The following NRG3 variants were observed in gnomAD, a reference collection of about 807,000 sequenced individuals.
NRG3 encodes pro-neuregulin-3, membrane-bound isoform.
A neutral mutation model predicts 66.9 loss-of-function variants in NRG3; 31 were observed. The observed-to-expected ratio is 0.46, with a 90% CI of 0.35 to 0.63. The LOEUF (loss-of-function observed/expected upper bound fraction) is 0.63. NRG3 is among the 20% of genes least tolerant of loss of function. NRG3 has a pLI of 0.00. For synonymous variants in NRG3, 393 were observed against 359.4 expected, an observed-to-expected ratio of 1.09 and a Z score of -1.06; for missense variants, 910 against 878.9, an observed-to-expected ratio of 1.04 and a Z score of -0.45.
chr10:82,841,981 A>C (rs530278411), intron 3 of NRG3, among the ~76,000 whole-genome samples: 3 of 152,294 alleles, frequency 2.0e-5, no homozygotes, highest in African/African-American at 7.2e-5. Context: ...GAAATACAGA[A>C]CCCATCTCGC....
intron 2 of NRG3, among the ~76,000 whole-genome samples, chr10:82,452,094 T>A (rs1322250811): frequency 6.6e-6 from 1 of 152,200 alleles, no homozygotes; most frequent in East Asian, 1.9e-4. Flanking sequence ...TTGCAAAAGC[T>A]GAGTTGTTAT....
chr10:82,870,857 T>C (rs1841278483), intron 4 of NRG3, among the ~76,000 whole-genome samples: 1 of 152,218 alleles, frequency 6.6e-6, no homozygotes, highest in Admixed American at 6.5e-5. Flanking sequence ...ATATTTTCTG[T>C]CATTCTGCGG....
chr10:82,177,101 G>C (rs1057358809), intron 1 of NRG3, among the ~76,000 whole-genome samples: 1 of 151,914 alleles, frequency 6.6e-6, no homozygotes, highest in Non-Finnish European at 1.5e-5. Context: ...GATTAAATAA[G>C]ATACCTTAGT....
intron 1 of NRG3, among the ~76,000 whole-genome samples, chr10:82,121,099 CTCTGGTGCTCGATGCCT>C: frequency 6.6e-6 from 1 of 152,242 alleles, no homozygotes; most frequent in East Asian, 1.9e-4. Context: ...CTGGTAAATT[CTCTGGTGCTCGATGCCT>C]CAGTGAAACT....
intron 2 of NRG3, among the ~76,000 whole-genome samples, chr10:82,432,801 C>A (rs1280453820): frequency 6.6e-6 from 1 of 152,050 alleles, no homozygotes; most frequent in Non-Finnish European, 1.5e-5. Flanking sequence ...AATCTCATTC[C>A]TTTTTATGGC....
At chr10:82,722,815 A>G (rs943919876) in intron 2 of NRG3, among the ~76,000 whole-genome samples, 1 of 152,218 alleles carries the variant, frequency 6.6e-6, no homozygotes, top group African/African-American at 2.4e-5. Flanking sequence ...CCCTGACTTT[A>G]TCATTATTCT....
At chr10:82,062,470 G>A (rs1168457599) in intron 1 of NRG3, among the ~76,000 whole-genome samples, 6 of 152,036 alleles carry the variant, frequency 3.9e-5, no homozygotes, top group African/African-American at 1.2e-4. Context: ...GCTGTGCATG[G>A]TGGTGTGCGC....
At chr10:82,445,398 T>C (rs577195309) in intron 2 of NRG3, among the ~76,000 whole-genome samples, 1 of 152,300 alleles carries the variant, frequency 6.6e-6, no homozygotes, top group East Asian at 1.9e-4. Context: ...GCTGGACAAA[T>C]AGGACATAGC....
chr10:82,783,949 T>C (rs1432199329), intron 3 of NRG3, among the ~76,000 whole-genome samples: 1 of 151,890 alleles, frequency 6.6e-6, no homozygotes, highest in Non-Finnish European at 1.5e-5. Context: ...GCTACCTGAC[T>C]TCAAACTATA....
chr10:82,922,549 CT>C (rs1346543284), intron 4 of NRG3, among the ~76,000 whole-genome samples: 1 of 152,144 alleles, frequency 6.6e-6, no homozygotes. Flanking sequence ...CCACCCTCAT[CT>C]TGATAAACAG....
At chr10:82,142,149 A>G (rs1245868835) in intron 1 of NRG3, among the ~76,000 whole-genome samples, 2 of 152,216 alleles carry the variant, frequency 1.3e-5, no homozygotes, top group Non-Finnish European at 2.9e-5. Context: ...GTTGAGGAAT[A>G]CACAAAAGAT....
chr10:82,024,279 C>T (rs1307663584), intron 1 of NRG3, among the ~76,000 whole-genome samples: 1 of 151,764 alleles, frequency 6.6e-6, no homozygotes, highest in Non-Finnish European at 1.5e-5. Flanking sequence ...TTTTGTTCAT[C>T]TTTGCAAAAT....
At chr10:81,949,677 G>A (rs1245945194) in intron 1 of NRG3, among the ~76,000 whole-genome samples, 2 of 152,134 alleles carry the variant, frequency 1.3e-5, no homozygotes, top group South Asian at 4.1e-4. Context: ...AACACGTTAT[G>A]AGAATGTTTC....
chr10:82,383,895 T>C (rs1226685372), intron 2 of NRG3, among the ~76,000 whole-genome samples: 1 of 151,940 alleles, frequency 6.6e-6, no homozygotes, highest in Non-Finnish European at 1.5e-5. Flanking sequence ...ATTATCCTGG[T>C]TAAATATGTT....
chr10:81,921,805 T>C (rs1171858047), intron 1 of NRG3, among the ~76,000 whole-genome samples: 3 of 152,106 alleles, frequency 2.0e-5, no homozygotes, highest in Admixed American at 6.6e-5. Flanking sequence ...TTTAGACTTA[T>C]TTGTTGGAAC....
At chr10:82,927,712 A>T (rs879371617) in intron 4 of NRG3, among the ~76,000 whole-genome samples, 5 of 152,164 alleles carry the variant, frequency 3.3e-5, no homozygotes, top group African/African-American at 9.7e-5. Flanking sequence ...CACAGTGTAT[A>T]TGTGCCACAT....
intron 2 of NRG3, among the ~76,000 whole-genome samples, chr10:82,493,244 G>A (rs1843313760): frequency 6.6e-6 from 1 of 151,988 alleles, no homozygotes; most frequent in Non-Finnish European, 1.5e-5. Flanking sequence ...TTAAGCCCAG[G>A]ATACACTAGC....
intron 1 of NRG3, among the ~76,000 whole-genome samples, chr10:82,068,803 T>C (rs779963554): frequency 1.3e-5 from 2 of 152,164 alleles, no homozygotes; most frequent in South Asian, 4.1e-4. Flanking sequence ...CACTAACATA[T>C]TTTGTTTTTT....
At chr10:81,912,321 A>G (rs1226634184) in intron 1 of NRG3, among the ~76,000 whole-genome samples, 1 of 152,160 alleles carries the variant, frequency 6.6e-6, no homozygotes, top group East Asian at 1.9e-4. Flanking sequence ...TGCTGGGCTG[A>G]AGTGATCCTC....
Sources: allele counts gnomAD v4.1 joint callset (sites outside exome capture counted in the v4.1 genomes callset), GRCh38; gene constraint gnomAD v4.1.1; transcripts MANE v1.5; gene names NCBI Gene and HGNC (gene_info 2026-07-23, HGNC 2026-07-21).